Variants in DDX10 observed in about 807,000 individuals in gnomAD.
DDX10 encodes the protein DEAD-box helicase 10.
Under a neutral mutation model 104.3 loss-of-function variants are expected in DDX10, and 74 were observed. The ratio of observed to expected loss-of-function variants is 0.71; its 90% CI spans 0.59 to 0.86. DDX10 has a LOEUF of 0.86. Among genes scored for constraint, DDX10 ranks in the 40% least tolerant of loss-of-function variants. The pLI, the probability that DDX10 is intolerant of heterozygous loss-of-function variation, is 0.00. For synonymous variants in DDX10, 351 were observed against 353.4 expected (o/e 0.99, Z 0.08); for missense variants, 952 against 1,040.0 (o/e 0.92, Z 1.16).
chr11:108,905,223 C>T (rs923071894), intron 16 of DDX10, among the ~76,000 whole-genome samples: 3 of 149,446 alleles, frequency 2.0e-5, no homozygotes, highest in Non-Finnish European at 4.4e-5. Context: ...ATAATAGATT[C>T]CATACAAAGA....
intron 10 of DDX10, among the ~76,000 whole-genome samples, chr11:108,707,688 T>A (rs1210013212): frequency 6.6e-6 from 1 of 152,172 alleles, no homozygotes; most frequent in Non-Finnish European, 1.5e-5. Flanking sequence ...ATAAAGAATG[T>A]CATTTATAGG....
Position 108,940,822 on chromosome 11 carries a change from G to A in DDX10, c.*399G>A, listed in dbSNP as rs559397047. ...TGCTGTTAAAATTGCTCATGATTTC[G>A]ACGTATTTAATATTTTCAAAGAGAC... On this transcript the variant is annotated 3_prime_UTR_variant, in exon 18 of 18. Coordinates refer to ENST00000322536, the MANE Select transcript of DDX10 (RefSeq NM_004398.4). 33 of 225,022 alleles carry A rather than the reference G, an allele frequency of 1.5e-4. No individual in the cohort carries two copies. Among genetic ancestry groups the A allele is most frequent in the African/African-American group, 6.2e-4 (28 of 44,812 alleles). The allele number at this position is 225,022 out of a possible 1,614,324, so 13.9% of individuals were successfully genotyped here.
At chr11:108,848,559 A>G (rs372285420) in intron 15 of DDX10, among the ~76,000 whole-genome samples, 1 of 152,128 alleles carries the variant, frequency 6.6e-6, no homozygotes, top group African/African-American at 2.4e-5. Context: ...ACATTTGCCT[A>G]TCATTTGGAG....
intron 16 of DDX10, among the ~76,000 whole-genome samples, chr11:108,899,076 C>T (rs933237611): frequency 7.2e-5 from 11 of 152,190 alleles, no homozygotes; most frequent in South Asian, 4.1e-4. Context: ...ATTTCAGCTG[C>T]AACTTCGTGT....
At chr11:108,748,392 G>A (rs1477418359) in intron 13 of DDX10, among the ~76,000 whole-genome samples, 1 of 152,182 alleles carries the variant, frequency 6.6e-6, no homozygotes, top group African/African-American at 2.4e-5. Context: ...AATAGACATT[G>A]AGACATTGAA....
At chr11:108,722,688 A>T (rs1281906532) in intron 12 of DDX10, among the ~76,000 whole-genome samples, 1 of 152,180 alleles carries the variant, frequency 6.6e-6, no homozygotes, top group Admixed American at 6.5e-5. Flanking sequence ...TGAAGCTGAG[A>T]GGGTTGAATT....
intron 17 of DDX10, among the ~76,000 whole-genome samples, 160 bp from the exon 18 acceptor site, chr11:108,940,086 T>G (rs1864087118): frequency 6.6e-6 from 1 of 152,200 alleles, no homozygotes; most frequent in African/African-American, 2.4e-5. Flanking sequence ...TAGCTACTGA[T>G]GGGAAGGTAC....
chr11:108,804,185 T>G (rs1266785230), intron 13 of DDX10, among the ~76,000 whole-genome samples: 1 of 152,150 alleles, frequency 6.6e-6, no homozygotes, highest in African/African-American at 2.4e-5. Flanking sequence ...GTCAACTTAC[T>G]GGTAACCTGT....
chr11:108,861,348 G>T (rs1377222803), intron 16 of DDX10, among the ~76,000 whole-genome samples: 1 of 152,034 alleles, frequency 6.6e-6, no homozygotes, highest in Non-Finnish European at 1.5e-5. Context: ...GTCCATTCTT[G>T]GCGTTTGGAC....
intron 11 of DDX10, among the ~76,000 whole-genome samples, chr11:108,719,048 A>G (rs1055763466): frequency 6.6e-6 from 1 of 151,826 alleles, no homozygotes; most frequent in Non-Finnish European, 1.5e-5. Flanking sequence ...TGACAAACTG[A>G]TAAAGGATCA....
chr11:108,776,891 A>G (rs2094370645), intron 13 of DDX10, among the ~76,000 whole-genome samples: 1 of 152,206 alleles, frequency 6.6e-6, no homozygotes, highest in Non-Finnish European at 1.5e-5. Context: ...AACAACCTGA[A>G]TGAGCTTGGA....
chr11:108,803,598 A>AT (rs34795110), intron 13 of DDX10, among the ~76,000 whole-genome samples: 2 of 138,652 alleles, frequency 1.4e-5, no homozygotes. Context: ...AAAAAAAAAA[A>AT]AAAAGAAAAA....
chr11:108,781,563 C>T (rs557696704), intron 13 of DDX10, among the ~76,000 whole-genome samples: 1 of 152,278 alleles, frequency 6.6e-6, no homozygotes, highest in Non-Finnish European at 1.5e-5. Flanking sequence ...CCCTTCCTTT[C>T]TCTCTTCTTA....
chr11:108,837,360 C>A (rs915822925), intron 13 of DDX10, among the ~76,000 whole-genome samples: 8 of 152,146 alleles, frequency 5.3e-5, no homozygotes, highest in Non-Finnish European at 1.0e-4. Flanking sequence ...GTAATACTAG[C>A]TGTAATTTGA....
intron 13 of DDX10, among the ~76,000 whole-genome samples, chr11:108,825,396 G>A (rs527420746): frequency 2.0e-4 from 31 of 152,336 alleles, no homozygotes; most frequent in Middle Eastern, 3.4e-3. Context: ...TTTCTGGAAA[G>A]TGTTCCAAGT....
chr11:108,867,278 G>T (rs984823231), intron 16 of DDX10, among the ~76,000 whole-genome samples: 3 of 152,156 alleles, frequency 2.0e-5, no homozygotes, highest in African/African-American at 7.2e-5. Flanking sequence ...CTGAAGAGTT[G>T]AGAGAAGTAG....
At chr11:108,739,837 G>A (rs575005967) in intron 13 of DDX10, among the ~76,000 whole-genome samples, 59 of 152,144 alleles carry the variant, frequency 3.9e-4, no homozygotes, top group Non-Finnish European at 7.5e-4. Flanking sequence ...TAATCCACCC[G>A]TCATCCCTTT....
chr11:108,682,206 G>A (rs1449844679), intron 6 of DDX10, among the ~76,000 whole-genome samples: 1 of 152,126 alleles, frequency 6.6e-6, no homozygotes. Context: ...CCGGGTTCAA[G>A]CAATTTTACT....
intron 13 of DDX10, among the ~76,000 whole-genome samples, chr11:108,832,978 T>C (rs1252657053): frequency 6.6e-6 from 1 of 152,230 alleles, no homozygotes; most frequent in Non-Finnish European, 1.5e-5. Flanking sequence ...CCGAGGTTGC[T>C]GAAGAGGACA....
Sources: allele counts gnomAD v4.1 joint callset (sites outside exome capture counted in the v4.1 genomes callset), GRCh38; gene constraint gnomAD v4.1.1; transcripts MANE v1.5; gene names NCBI Gene and HGNC (gene_info 2026-07-23, HGNC 2026-07-21).